The following PCDHGB6 variants were observed in gnomAD, a reference collection of about 807,000 sequenced individuals.
PCDHGB6 encodes the protein protocadherin gamma subfamily B, 6.
In PCDHGB6, 51 loss-of-function variants were observed where a neutral mutation model predicts 59.1. The observed-to-expected ratio is 0.86, with a 90% CI of 0.69 to 1.09. The LOEUF (loss-of-function observed/expected upper bound fraction) is 1.09. Ranked by LOEUF, PCDHGB6 falls within the 50% of genes least tolerant of loss-of-function variation. The pLI is 0.00. For synonymous variants in PCDHGB6, 466 were observed against 495.1 expected, an observed-to-expected ratio of 0.94 and a Z score of 0.78; for missense variants, 1,148 against 1,205.1, an observed-to-expected ratio of 0.95 and a Z score of 0.70.
Position 141,491,307 on chromosome 5 carries a change from C to CCTTA in PCDHGB6, c.2419-3498_2419-3495dup. On this transcript the variant is annotated intron_variant, in intron 1 of 3. Transcript: ENST00000520790. The surrounding 1 kb of genome is among the most constrained non-coding windows in gnomAD (Gnocchi z 6.9). ...TCATACACCCTCCTGAGCGTTCAGA[C>CCTTA]CTTACCCTTTACCTCATTGTGGCTC... 1 of 1,614,152 alleles carries CCTTA rather than the reference C, an allele frequency of 6.2e-7. No individual in the cohort carries two copies. Among genetic ancestry groups the CCTTA allele is most frequent in the Non-Finnish European group, 8.5e-7 (1 of 1,179,986 alleles).
At chr5:141,461,617 C>T (rs1297064745) in intron 1 of PCDHGB6, among the ~76,000 whole-genome samples, 1 of 152,090 alleles carries the variant, frequency 6.6e-6, no homozygotes, top group African/African-American at 2.4e-5. Flanking sequence ...AAAGTATTTT[C>T]TAATACACCT....
chr5:141,499,486 C>T (rs569172977), intron 2 of PCDHGB6, among the ~76,000 whole-genome samples: 3 of 152,284 alleles, frequency 2.0e-5, no homozygotes, highest in East Asian at 1.9e-4. Context: ...CCACCAACTA[C>T]AGTTTAATAT....
intron 1 of PCDHGB6, among the ~76,000 whole-genome samples, chr5:141,458,719 G>A (rs891521416): frequency 5.9e-5 from 9 of 151,684 alleles, no homozygotes; most frequent in Non-Finnish European, 1.2e-4. Context: ...ACAGGTATTC[G>A]CCACCACATC....
At chr5:141,419,117 G>A (rs1362880648) in intron 1 of PCDHGB6, 2 of 1,613,836 alleles carry the variant, frequency 1.2e-6, no homozygotes, top group Non-Finnish European at 1.7e-6. Flanking sequence ...AGAGTACAAC[G>A]TCACCATCGC....
intron 1 of PCDHGB6, among the ~76,000 whole-genome samples, chr5:141,470,624 A>G (rs1421700811): frequency 6.6e-6 from 1 of 152,220 alleles, no homozygotes; most frequent in Non-Finnish European, 1.5e-5. Flanking sequence ...TCATGCTTAG[A>G]TAGGCCCCCT....
At chr5:141,444,774 AT>A (rs2098446962) in intron 1 of PCDHGB6, among the ~76,000 whole-genome samples, 1 of 152,018 alleles carries the variant, frequency 6.6e-6, no homozygotes, top group Non-Finnish European at 1.5e-5. Context: ...TATATTCTTG[AT>A]CATGTTTCAT....
intron 1 of PCDHGB6, chr5:141,427,848 C>A: frequency 6.4e-7 from 1 of 1,551,668 alleles, no homozygotes; most frequent in Non-Finnish European, 8.8e-7. Flanking sequence ...CGACCACGAG[C>A]AGCTGTGCGC....
rs2099622509 is a variant in PCDHGB6 at position 141,485,988 on chromosome 5, G to T, written c.2419-8819G>T. On this transcript the variant is annotated intron_variant, in intron 1 of 3. Coordinates refer to ENST00000520790, the MANE Select transcript of PCDHGB6 (RefSeq NM_018926.3). The surrounding 1 kb of genome is among the most constrained non-coding windows in gnomAD (Gnocchi z 5.7). The stretch of plus-strand genomic sequence containing the variant: ...CTCAATGCCTCAGACCCGGACCTGG[G>T]TCCCAGTGGTAACGTCACCTTTTAT... 16 of 1,614,188 alleles carry T rather than the reference G, an allele frequency of 9.9e-6. No homozygotes were observed. The highest frequency in any genetic ancestry group is 1.4e-5 in the Non-Finnish European group (16 of 1,180,038).
At chr5:141,474,671 A>G (rs2099352865) in intron 1 of PCDHGB6, among the ~76,000 whole-genome samples, 1 of 152,204 alleles carries the variant, frequency 6.6e-6, no homozygotes, top group South Asian at 2.1e-4. Context: ...TACCTAACCT[A>G]TGTGCCTACC....
intron 2 of PCDHGB6, among the ~76,000 whole-genome samples, chr5:141,503,423 C>T (rs1018496430): frequency 6.6e-6 from 1 of 151,752 alleles, no homozygotes; most frequent in Non-Finnish European, 1.5e-5. Context: ...GGTGAAACCC[C>T]ATCTCTACTA....
chr5:141,495,892 TTGTCTC>T (rs1035324353), intron 2 of PCDHGB6, among the ~76,000 whole-genome samples: 1 of 152,198 alleles, frequency 6.6e-6, no homozygotes, highest in Admixed American at 6.5e-5. Flanking sequence ...TTGTCTCTCT[TTGTCTC>T]TGTCTCTGTA....
At chr5:141,492,461 G>A (rs1218833302) in intron 1 of PCDHGB6, among the ~76,000 whole-genome samples, 1 of 152,212 alleles carries the variant, frequency 6.6e-6, no homozygotes, top group East Asian at 1.9e-4. Flanking sequence ...CGCGCCTGAG[G>A]GTCCCAGATC....
intron 1 of PCDHGB6, chr5:141,439,845 T>C (rs983341549): frequency 6.6e-6 from 1 of 152,252 alleles, no homozygotes; most frequent in Non-Finnish European, 1.5e-5. Flanking sequence ...ACTCTAACTG[T>C]GGAAAAGGTG....
chr5:141,410,640 G>T lies in PCDHGB6; in HGVS notation c.2418+20G>T. ...ACTTCGGTGAGTTTCTCTTTTTTGTGTGTGATTTATCTAATAGTCTACTAG... is the reference window on the plus strand; with the variant it reads ...ACTTCGGTGAGTTTCTCTTTTTTGTTTGTGATTTATCTAATAGTCTACTAG... On this transcript the variant is annotated intron_variant, in intron 1 of 3. Coordinates refer to ENST00000520790, the MANE Select transcript of PCDHGB6 (RefSeq NM_018926.3). The T allele has an allele frequency of 1.3e-6, 2 of 1,599,058 alleles. No homozygotes were observed. The highest frequency in any genetic ancestry group is 1.7e-6 in the Non-Finnish European group (2 of 1,178,858).
intron 1 of PCDHGB6, among the ~76,000 whole-genome samples, chr5:141,475,520 C>T (rs2099364531): frequency 6.6e-6 from 1 of 152,204 alleles, no homozygotes; most frequent in Non-Finnish European, 1.5e-5. Context: ...CACGGAAATG[C>T]TAAATGCCTC....
In PCDHGB6 at chr5:141,476,575, C is replaced by A; in HGVS notation, c.2419-18232C>A. 6 of 1,614,232 alleles carry A rather than the reference C, an allele frequency of 3.7e-6. No homozygotes were observed. The highest frequency in any genetic ancestry group is 5.1e-6 in the Non-Finnish European group (6 of 1,180,042). The stretch of plus-strand genomic sequence containing the variant: ...GCGAGGCCGTGGCTCCGGGGACGCG[C>A]TTTCCGCTCGAGAGCGCGCACGATC... On this transcript the variant is annotated intron_variant, in intron 1 of 3. Transcript: ENST00000520790. This position sits in a 1 kb window ranked among gnomAD's most constrained non-coding sequence, Gnocchi z 7.6.
At chr5:141,420,494 C>T (rs978136090) in intron 1 of PCDHGB6, 6 of 499,392 alleles carry the variant, frequency 1.2e-5, no homozygotes, top group African/African-American at 2.0e-5. Flanking sequence ...GGGTAATCTC[C>T]GGTGACATTT....
rs547284271 is a variant in PCDHGB6 at position 141,489,064 on chromosome 5, C to G, written c.2419-5743C>G. On this transcript the variant is annotated intron_variant, in intron 1 of 3. Coordinates refer to ENST00000520790, the MANE Select transcript of PCDHGB6 (RefSeq NM_018926.3). This position sits in a 1 kb window ranked among gnomAD's most constrained non-coding sequence, Gnocchi z 4.5. ...TCCACTCAAATTCAGCTCCCCTCCC[C>G]CCTGCCCACCCCCGCCACTCGGTGA... 1.9e-4 allele frequency: 74 copies of G among 387,742 alleles called. No homozygotes were observed. The highest frequency in any genetic ancestry group is 1.5e-3 in the African/African-American group (70 of 47,296). The allele number at this position is 387,742 out of a possible 1,614,324, so 24.0% of individuals were successfully genotyped here. A position where few individuals can be genotyped will look rare whatever the true frequency, so the allele number is the denominator to read the frequency against.
At chr5:141,421,913 T>C in intron 1 of PCDHGB6, 1 of 1,613,710 alleles carries the variant, frequency 6.2e-7, no homozygotes, top group Non-Finnish European at 8.5e-7. Context: ...GCAGTTCCCA[T>C]TCGTGTGGTG....
Sources: gnomAD v4.1 joint callset for allele counts (sites outside exome capture counted in the v4.1 genomes callset) on GRCh38, gnomAD v4.1.1 for gene constraint, Gnocchi (gnomAD v3.1) non-coding constraint, MANE v1.5 for transcripts, NCBI Gene and HGNC (gene_info 2026-07-23, HGNC 2026-07-21) for gene names.